The following CCDC141 variants were observed in gnomAD, a reference collection of about 807,000 sequenced individuals.
CCDC141 encodes coiled-coil domain-containing protein 141.
Under a neutral mutation model 181.0 loss-of-function variants are expected in CCDC141, and 168 were observed. The ratio of observed to expected loss-of-function variants is 0.93; its 90% CI spans 0.82 to 1.05. The LOEUF (loss-of-function observed/expected upper bound fraction) is 1.05, where lower values mean the gene tolerates loss of function less well. CCDC141 is among the 50% of genes least tolerant of loss of function. CCDC141 has a pLI of 0.00. For missense variants in CCDC141, 1,902 were observed against 1,788.5 expected (o/e 1.06, Z -1.14); for synonymous variants, 666 against 642.3 (o/e 1.04, Z -0.56).
intron 2 of CCDC141, among the ~76,000 whole-genome samples, chr2:179,003,651 G>A (rs544565826): frequency 6.6e-6 from 1 of 152,228 alleles, no homozygotes; most frequent in African/African-American, 2.4e-5. Flanking sequence ...TGAAGTCACA[G>A]TAGGAATAAA....
intron 2 of CCDC141, among the ~76,000 whole-genome samples, chr2:179,024,282 C>A (rs1358564555): frequency 6.6e-6 from 1 of 152,198 alleles, no homozygotes; most frequent in East Asian, 1.9e-4. Context: ...ATGTGAATAC[C>A]ATTTAAATCA....
chr2:178,859,033 A>C (rs548755839), intron 17 of CCDC141, among the ~76,000 whole-genome samples: 1 of 152,306 alleles, frequency 6.6e-6, no homozygotes, highest in East Asian at 1.9e-4. Context: ...GAACGTGTGC[A>C]CTTCCACTGA....
chr2:179,013,364 C>T (rs1286087108), intron 2 of CCDC141, among the ~76,000 whole-genome samples: 1 of 152,046 alleles, frequency 6.6e-6, no homozygotes, highest in African/African-American at 2.4e-5. Flanking sequence ...ACCCCTTTTA[C>T]AATGGCTGCA....
At chr2:179,006,966 A>T (rs1047471810) in intron 2 of CCDC141, among the ~76,000 whole-genome samples, 6 of 152,160 alleles carry the variant, frequency 3.9e-5, no homozygotes, top group Non-Finnish European at 8.8e-5. Context: ...GGGAAGGATC[A>T]ACCTGCTCCT....
intron 21 of CCDC141, among the ~76,000 whole-genome samples, chr2:178,849,476 C>G (rs1372305758): frequency 6.6e-6 from 1 of 152,184 alleles, no homozygotes; most frequent in Non-Finnish European, 1.5e-5. Flanking sequence ...TTAATCAAAC[C>G]AGTTTTTGAC....
intron 8 of CCDC141, among the ~76,000 whole-genome samples, chr2:178,894,146 G>A (rs150691244): frequency 5.9e-5 from 9 of 152,262 alleles, no homozygotes; most frequent in African/African-American, 2.2e-4. Flanking sequence ...ACCACCTCAA[G>A]CCCTCTTCTG....
At chr2:178,915,520 C>T (rs12468981) in intron 7 of CCDC141, among the ~76,000 whole-genome samples, 61,051 of 152,056 alleles carry the variant, frequency 0.4, 14,127 homozygotes, top group Non-Finnish European at 0.54. Flanking sequence ...ATAGCTTCAA[C>T]GAATTTGGAA....
chr2:178,917,707 G>A (rs1688513137), intron 7 of CCDC141, among the ~76,000 whole-genome samples: 1 of 152,186 alleles, frequency 6.6e-6, no homozygotes, highest in Non-Finnish European at 1.5e-5. Flanking sequence ...ACACTGAGCC[G>A]TACTCAAGTG....
At chr2:178,827,271 G>A (rs1011808076), downstream of CCDC141, among the ~76,000 whole-genome samples, 2 of 152,026 alleles carry the variant, frequency 1.3e-5, no homozygotes, top group African/African-American at 4.8e-5. Flanking sequence ...CCAAGAATGT[G>A]GTCTATCTTG....
intron 7 of CCDC141, among the ~76,000 whole-genome samples, chr2:178,917,592 A>G (rs1450179473): frequency 6.6e-6 from 1 of 152,204 alleles, no homozygotes; most frequent in Non-Finnish European, 1.5e-5. Flanking sequence ...TTTTGAAAAC[A>G]TCAGTGAAAT....
chr2:179,021,249 T>C, intron 2 of CCDC141, among the ~76,000 whole-genome samples: 1 of 152,216 alleles, frequency 6.6e-6, no homozygotes. Context: ...AATGAATTTC[T>C]GGCTTCAACT....
At chr2:178,921,171 A>T (rs1688672482) in intron 6 of CCDC141, among the ~76,000 whole-genome samples, 1 of 152,192 alleles carries the variant, frequency 6.6e-6, no homozygotes, top group Non-Finnish European at 1.5e-5. Flanking sequence ...AGTTCTCAAG[A>T]TCTTTCAATT....
At chr2:179,031,642 G>A (rs1457347126) in intron 2 of CCDC141, among the ~76,000 whole-genome samples, 1 of 151,892 alleles carries the variant, frequency 6.6e-6, no homozygotes, top group Admixed American at 6.6e-5. Context: ...TTCATATATG[G>A]AGTACCAAAA....
chr2:178,834,566 G>A, intron 23 of CCDC141, 126 bp from the exon 24 acceptor site: 1 of 1,071,040 alleles, frequency 9.3e-7, no homozygotes, highest in African/African-American at 1.6e-5. Context: ...TAGGAACCTT[G>A]TAGCCACAAC....
Position 178,847,127 on chromosome 2 carries a change from C to T in CCDC141, c.3358-1385G>A, listed in dbSNP as rs1241532469. Among the ~76,000 whole-genome samples the T allele has an allele frequency of 3.3e-5, 5 of 152,198 alleles. No individual in the cohort carries two copies. In the East Asian group the frequency reaches 9.6e-4, roughly 29 times the overall value. On this transcript the variant is annotated intron_variant, in intron 21 of 23. Coordinates refer to ENST00000443758, the MANE Select transcript of CCDC141 (RefSeq NM_173648.4). ...CCAGAGAGACCCTTTCTCATTTCTA[C>T]ATCCACCCAAATTAAACATCTTCAA...
chr2:178,867,373 A>G (rs1005999660), intron 16 of CCDC141, among the ~76,000 whole-genome samples: 1 of 152,250 alleles, frequency 6.6e-6, no homozygotes, highest in Admixed American at 6.5e-5. Context: ...AAAAAGATAG[A>G]GCAAAATTAA....
At chr2:178,835,621 G>A (rs1178734336) in intron 23 of CCDC141, 6 of 152,134 alleles carry the variant, frequency 3.9e-5, no homozygotes, top group African/African-American at 1.4e-4. Context: ...TAAATCTGAC[G>A]ACAAAACATT....
intron 10 of CCDC141, among the ~76,000 whole-genome samples, 196 bp downstream of exon 10, chr2:178,886,556 C>G (rs964218345): frequency 3.9e-5 from 6 of 152,106 alleles, no homozygotes; most frequent in African/African-American, 1.4e-4. Context: ...TTTCAGTGAA[C>G]ACAACTGCCC....
chr2:178,949,455 C>G (rs766312632), intron 5 of CCDC141, among the ~76,000 whole-genome samples: 18 of 152,120 alleles, frequency 1.2e-4, no homozygotes, highest in Admixed American at 3.3e-4. Context: ...TAGGTAGGGA[C>G]AGAAATGCCA....
Sources: allele counts gnomAD v4.1 joint callset (sites outside exome capture counted in the v4.1 genomes callset), GRCh38; gene constraint gnomAD v4.1.1; transcripts MANE v1.5; gene names NCBI Gene and HGNC (gene_info 2026-07-23, HGNC 2026-07-21).